The following ZEB2 variants were observed in gnomAD, a reference collection of about 807,000 sequenced individuals.
The protein encoded by ZEB2 is zinc finger E-box-binding homeobox 2.
Under a neutral mutation model 99.9 loss-of-function variants are expected in ZEB2, and 6 were observed. That is an observed-to-expected ratio of 0.06 (90% CI 0.03 to 0.12). The LOEUF is 0.12. ZEB2 is among the 10% of genes least tolerant of loss of function. The pLI is 1.00. For missense variants in ZEB2, 969 were observed against 1,502.8 expected (o/e 0.64, Z 5.87); for synonymous variants, 517 against 542.5 (o/e 0.95, Z 0.65).
intron 4 of ZEB2, 147 bp from the exon 5 acceptor site, chr2:144,405,171 T>C: frequency 4.7e-6 from 4 of 847,242 alleles, no homozygotes; most frequent in Non-Finnish European, 7.6e-6. Flanking sequence ...AGATGACCGA[T>C]TATTGACTGA....
At chr2:144,443,131 C>CA (rs1042001403) in intron 2 of ZEB2, among the ~76,000 whole-genome samples, 48 of 151,642 alleles carry the variant, frequency 3.2e-4, no homozygotes, top group African/African-American at 1.1e-3. Flanking sequence ...ATTACAGTTT[C>CA]AAAAAATAGA....
chr2:144,432,284 A>G (rs1004250553), intron 2 of ZEB2, among the ~76,000 whole-genome samples: 1 of 152,204 alleles, frequency 6.6e-6, no homozygotes, highest in African/African-American at 2.4e-5. Context: ...GCTCACAAAT[A>G]GTAGTAAATA....
chr2:144,518,047 ATATAAT>A (rs1705193601), intron 1 of ZEB2: 1 of 227,140 alleles, frequency 4.4e-6, no homozygotes, highest in Non-Finnish European at 8.7e-6. Flanking sequence ...GCAATGATAA[ATATAAT>A]TATAAGCCTC....
At chr2:144,498,255 A>G (rs926537285) in intron 2 of ZEB2, among the ~76,000 whole-genome samples, 3 of 146,260 alleles carry the variant, frequency 2.1e-5, no homozygotes, top group Non-Finnish European at 4.4e-5. Flanking sequence ...TTCTACTGCA[A>G]ATATTTCAAG....
At chr2:144,471,197 T>C (rs778159497) in intron 2 of ZEB2, among the ~76,000 whole-genome samples, 2 of 152,148 alleles carry the variant, frequency 1.3e-5, no homozygotes, top group Non-Finnish European at 2.9e-5. Context: ...GACATCAGCA[T>C]GCAAAGAGTT....
In ZEB2 at chr2:144,384,556, T is replaced by G. The variant is rs1573703176; in HGVS notation, c.*4895A>C. Reference sequence around the variant, plus strand: ...GCTCTAAAGGAAGCAATCATTCCTTTATACTTCTTTAAATTTAGTATTGAC... The same window carrying G: ...GCTCTAAAGGAAGCAATCATTCCTTGATACTTCTTTAAATTTAGTATTGAC... On this transcript the variant is annotated 3_prime_UTR_variant, in exon 10 of 10. Transcript: ENST00000627532. 6.6e-6 allele frequency: 1 copy of G among 152,084 alleles called. No homozygotes were observed. Among genetic ancestry groups the G allele is most frequent in the African/African-American group, 2.4e-5 (1 of 41,442 alleles). The allele number at this position is 152,084 out of a possible 1,614,324, so 9.4% of individuals were successfully genotyped here.
At chr2:144,423,195 C>A (rs988573737) in intron 4 of ZEB2, among the ~76,000 whole-genome samples, 8 of 152,136 alleles carry the variant, frequency 5.3e-5, no homozygotes, top group Non-Finnish European at 1.2e-4. Flanking sequence ...TAGGTGTATA[C>A]AACAGCTAGT....
intron 2 of ZEB2, chr2:144,514,487 C>T (rs1705097147): frequency 6.6e-6 from 1 of 152,142 alleles, no homozygotes; most frequent in African/African-American, 2.4e-5. Context: ...TCAGCAAAGA[C>T]ACAAGCTCAA....
chr2:144,397,143 A>G (rs1367753855), intron 8 of ZEB2, among the ~76,000 whole-genome samples: 2 of 152,182 alleles, frequency 1.3e-5, no homozygotes, highest in Admixed American at 6.5e-5. Context: ...TCAATGTTCT[A>G]TGTTAAAACA....
At chr2:144,475,096 C>T (rs1354128216) in intron 2 of ZEB2, among the ~76,000 whole-genome samples, 1 of 152,192 alleles carries the variant, frequency 6.6e-6, no homozygotes, top group Non-Finnish European at 1.5e-5. Context: ...AACCCAGTGA[C>T]ATTTCAACAA....
At chr2:144,400,735 A>G (rs1703299401) in intron 7 of ZEB2, among the ~76,000 whole-genome samples, 1 of 152,242 alleles carries the variant, frequency 6.6e-6, no homozygotes, top group Non-Finnish European at 1.5e-5. Flanking sequence ...ACTAGTTATA[A>G]AGAGGAAATC....
intron 4 of ZEB2, among the ~76,000 whole-genome samples, chr2:144,416,854 C>T (rs1305260351): frequency 6.6e-6 from 1 of 152,116 alleles, no homozygotes; most frequent in Non-Finnish European, 1.5e-5. Context: ...AATATTTGAC[C>T]CTATACTGTC....
chr2:144,444,231 G>C (rs1295554107), intron 2 of ZEB2, among the ~76,000 whole-genome samples: 3 of 152,148 alleles, frequency 2.0e-5, no homozygotes, highest in Non-Finnish European at 4.4e-5. Flanking sequence ...TTTTTCGAAA[G>C]CTGAAGCAGC....
At chr2:144,438,042 A>C (rs564336332) in intron 2 of ZEB2, among the ~76,000 whole-genome samples, 1 of 152,288 alleles carries the variant, frequency 6.6e-6, no homozygotes, top group Non-Finnish European at 1.5e-5. Context: ...TCCCCTCAAA[A>C]ACCTTAGCAT....
chr2:144,423,697 A>G (rs904169209), intron 4 of ZEB2, among the ~76,000 whole-genome samples: 2 of 152,196 alleles, frequency 1.3e-5, no homozygotes, highest in Non-Finnish European at 2.9e-5. Flanking sequence ...TCGAATGAAT[A>G]GAATGACAAT....
intron 3 of ZEB2, 67 bp downstream of exon 3, chr2:144,429,702 G>T: frequency 6.2e-7 from 1 of 1,609,882 alleles, no homozygotes; most frequent in Non-Finnish European, 8.5e-7. Context: ...CGATCTGCTA[G>T]GTGGAACAGA....
At chr2:144,472,193 TTCATCATCA>T (rs3073687) in intron 2 of ZEB2, among the ~76,000 whole-genome samples, 15 of 151,244 alleles carry the variant, frequency 9.9e-5, no homozygotes, top group South Asian at 4.2e-4. Flanking sequence ...TCATGTTTTC[TTCATCATCA>T]TCATCATCAT....
intron 4 of ZEB2, among the ~76,000 whole-genome samples, chr2:144,409,157 C>T (rs777789832): frequency 2.6e-5 from 4 of 152,028 alleles, no homozygotes; most frequent in African/African-American, 7.3e-5. Context: ...CCTTAAATTC[C>T]GTGAGCCAAG....
At chr2:144,515,796 C>CGA (rs1705124893) in intron 2 of ZEB2, among the ~76,000 whole-genome samples, 1 of 82,738 alleles carries the variant, frequency 1.2e-5, no homozygotes, top group Non-Finnish European at 2.9e-5. Flanking sequence ...CACACAAAAC[C>CGA]TAGAGAGAGA....
Sources: gnomAD v4.1 joint callset for allele counts (sites outside exome capture counted in the v4.1 genomes callset) on GRCh38, gnomAD v4.1.1 for gene constraint, MANE v1.5 for transcripts, NCBI Gene and HGNC (gene_info 2026-07-23, HGNC 2026-07-21) for gene names.